Variants in COMMD2 observed in about 807,000 individuals in gnomAD.
COMMD2 encodes COMM domain-containing protein 2.
Under a neutral mutation model 22.5 loss-of-function variants are expected in COMMD2, and 25 were observed. That is an observed-to-expected ratio of 1.11 (90% confidence interval 0.81 to 1.55). The LOEUF is 1.55. Ranked by LOEUF, COMMD2 falls within the 40% of genes most tolerant of loss-of-function variation. COMMD2 has a pLI of 0.00. For synonymous variants in COMMD2, 98 were observed against 91.2 expected (o/e 1.07, Z -0.42); for missense variants, 223 against 232.9 (o/e 0.96, Z 0.28).
Position 149,751,477 on chromosome 3 carries a change from T to G in COMMD2, c.154A>C (p.Asn52His). The G allele has an allele frequency of 6.3e-7, 1 of 1,590,312 alleles. No homozygotes were observed. Among genetic ancestry groups the G allele is most frequent in the Non-Finnish European group, 8.6e-7 (1 of 1,169,000 alleles). Residue 52 changes from asparagine (N) to histidine (H), a missense_variant, in exon 3 of 5, where the codon AAT (asparagine) becomes CAT (histidine). Coordinates refer to ENST00000473414, the MANE Select transcript of COMMD2 (RefSeq NM_016094.4). Reference protein sequence around the residue: ...KIYEGAARKLNVSSDTVQHGV... With the variant: ...KIYEGAARKLHVSSDTVQHGV... The stretch of plus-strand genomic sequence containing the variant: ...TGCTGGACAGTGTCACTACTCACAT[T>G]GAGTTTTCCTGAGAAAGAAAAGTAA...
chr3:149,747,181 C>G (rs560548476), intron 4 of COMMD2, among the ~76,000 whole-genome samples: 7 of 152,342 alleles, frequency 4.6e-5, no homozygotes, highest in South Asian at 2.1e-4. Flanking sequence ...GTCAAATAGG[C>G]TTCCACTGTA....
chr3:149,748,853 G>A (rs940697267), intron 4 of COMMD2, among the ~76,000 whole-genome samples: 9 of 152,308 alleles, frequency 5.9e-5, no homozygotes, highest in Admixed American at 3.3e-4. Flanking sequence ...AGAAAGAGTC[G>A]AGTCAAGAGG....
At chr3:149,751,200 T>G (rs1171835392) in intron 3 of COMMD2, 1 of 689,944 alleles carries the variant, frequency 1.4e-6, no homozygotes, top group Non-Finnish European at 2.3e-6. Context: ...GGTACTTCTA[T>G]ACTAGCTATT....
chr3:149,744,136 C>A (rs1237180639), intron 4 of COMMD2, among the ~76,000 whole-genome samples: 2 of 151,854 alleles, frequency 1.3e-5, no homozygotes. Flanking sequence ...GTCCTCCTCC[C>A]TGTAAATATA....
intron 4 of COMMD2, among the ~76,000 whole-genome samples, chr3:149,745,591 G>A (rs1716346444): frequency 6.6e-6 from 1 of 152,154 alleles, no homozygotes; most frequent in South Asian, 2.1e-4. Context: ...GCACTGCTAT[G>A]TCCACAAGGC....
At position 149,751,417 on chromosome 3, in the gene COMMD2, T is replaced by C; in HGVS notation, c.214A>G (p.Ser72Gly). Residue 72 changes from serine to glycine, a missense_variant, in exon 3 of 5, where the codon AGC becomes GGC. Coordinates refer to ENST00000473414, the MANE Select transcript of COMMD2 (RefSeq NM_016094.4). ...VEGLTYLLTE[S>G]SKLMISELDF... ...AAATCCCTTACCATGAGCTTTGAGC[T>C]CTCAGTGAGGAGATACGTTAATCCT... 6.2e-7 allele frequency: 1 copy of C among 1,614,076 alleles called. No individual in the cohort carries two copies. The highest frequency in any genetic ancestry group is 8.5e-7 in the Non-Finnish European group (1 of 1,179,960).
chr3:149,741,416 A>T lies in COMMD2; in HGVS notation c.*105T>A. 1.1e-6 allele frequency: 1 copy of T among 886,180 alleles called. No individual in the cohort carries two copies. Among genetic ancestry groups the T allele is most frequent in the African/African-American group, 1.7e-5 (1 of 59,480 alleles). 54.9% of individuals were successfully genotyped at this position (886,180 alleles called of 1,614,324 possible). On this transcript the variant is annotated 3_prime_UTR_variant, in exon 5 of 5. Transcript: ENST00000473414. ...CTTGGAATAGATACTGAGGAATACT[A>T]TGTATTTATCATCATGAATTAATAA...
intron 4 of COMMD2, among the ~76,000 whole-genome samples, chr3:149,743,138 T>C (rs1716281471): frequency 6.6e-6 from 1 of 152,198 alleles, no homozygotes. Context: ...TGTTTTATCA[T>C]TATTCTTTAA....
chr3:149,750,310 G>T, intron 4 of COMMD2: 1 of 380,048 alleles, frequency 2.6e-6, no homozygotes, highest in South Asian at 2.0e-5. Flanking sequence ...ATGCTTCTGG[G>T]GTGTGAGTCA....
chr3:149,751,561 T>A, intron 2 of COMMD2, 76 bp from the exon 3 acceptor site: 1 of 1,257,280 alleles, frequency 8.0e-7, no homozygotes, highest in African/African-American at 1.5e-5. Flanking sequence ...TATTTAAAAA[T>A]AAACACTATT....
At chr3:149,750,376 T>G in intron 4 of COMMD2, 1 of 472,146 alleles carries the variant, frequency 2.1e-6, no homozygotes, top group Non-Finnish European at 4.2e-6. Flanking sequence ...TGTGCACTTT[T>G]CTACATCTGT....
intron 4 of COMMD2, among the ~76,000 whole-genome samples, chr3:149,746,786 A>C (rs114448232): frequency 0.041 from 6,284 of 152,258 alleles, 338 homozygotes; most frequent in East Asian, 0.13. Flanking sequence ...TGTCTCAAAA[A>C]ATAAAAAAAT....
chr3:149,746,587 G>C (rs922508804), intron 4 of COMMD2, among the ~76,000 whole-genome samples: 3 of 150,124 alleles, frequency 2.0e-5, no homozygotes, highest in Non-Finnish European at 3.0e-5. Context: ...CTGGCTAACA[G>C]GGTGAAACCC....
At chr3:149,751,578 T>C (rs1471681072) in intron 2 of COMMD2, 93 bp from the exon 3 acceptor site, 2 of 1,158,038 alleles carry the variant, frequency 1.7e-6, no homozygotes, top group East Asian at 2.6e-5. Flanking sequence ...TATTCATTAT[T>C]ACATGTTTTC....
In COMMD2 at chr3:149,740,620, A is replaced by C. The variant is rs531294471; in HGVS notation, c.*901T>G. On this transcript the variant is annotated 3_prime_UTR_variant, in exon 5 of 5. Coordinates refer to ENST00000473414, the MANE Select transcript of COMMD2 (RefSeq NM_016094.4). ...TCATCTTCATATACAAAGAAAAATG[A>C]ATAAACTGCCTATAACAATATAGCA... The C allele has an allele frequency of 1.3e-5, 2 of 152,342 alleles. No homozygotes were observed. The highest frequency in any genetic ancestry group is 4.8e-5 in the African/African-American group (2 of 41,588). 9.4% of individuals were successfully genotyped at this position (152,342 alleles called of 1,614,324 possible).
Position 149,752,383 on chromosome 3 carries a change from C to A in COMMD2, c.62G>T (p.Ser21Ile), listed in dbSNP as rs1458703662. 2 of 1,614,078 alleles carry A rather than the reference C, an allele frequency of 1.2e-6. No individual in the cohort carries two copies. The highest frequency in any genetic ancestry group is 1.1e-5 in the South Asian group (1 of 91,088). Residue 21 changes from serine to isoleucine, a missense_variant, in exon 1 of 5, where the codon AGC (serine) becomes ATC (isoleucine). Coordinates refer to ENST00000473414, the MANE Select transcript of COMMD2 (RefSeq NM_016094.4). ...CCGCCCCCACGCCCGCTGACCCGCG[C>A]TGTCCACTTGAGGCAGGAAGGCCAG... Reference protein sequence around the residue: ...EHLAFLPQVDSAVVAEFGRIA... With the variant: ...EHLAFLPQVDIAVVAEFGRIA...
Position 149,741,505 on chromosome 3 carries a change from A to G in COMMD2, c.*16T>C. ...TTCATAAGTGATTCAAATGAATTAA[A>G]ACCTTAAAACTGGTACTACTTGATG... is the stretch of plus-strand genomic sequence containing the variant. On this transcript the variant is annotated 3_prime_UTR_variant, in exon 5 of 5. Coordinates refer to ENST00000473414, the MANE Select transcript of COMMD2 (RefSeq NM_016094.4). The G allele has an allele frequency of 3.1e-6, 5 of 1,598,580 alleles. No homozygotes were observed. The highest frequency in any genetic ancestry group is 4.3e-6 in the Non-Finnish European group (5 of 1,165,972).
intron 4 of COMMD2, among the ~76,000 whole-genome samples, chr3:149,747,249 G>T (rs1047879177): frequency 3.3e-5 from 5 of 152,198 alleles, no homozygotes; most frequent in Admixed American, 2.6e-4. Context: ...AGAATCCCAA[G>T]AATATGGGGA....
In COMMD2 at chr3:149,752,246, G is replaced by A; in HGVS notation, c.109C>T (p.Arg37Cys). The change falls in exon 2 of 5, where the codon CGC becomes TGC. Residue 37 changes from arginine (R) to cysteine (C), a missense_variant. Arg to Cys is a radical substitution (Grantham distance 180). Transcript: ENST00000473414. ...TCGTAGATTTTTGGGTTTGCGCCGC[G>A]TCTCAGGAATTCCACAGCAATCCGC... ...FGRIAVEFLR[R>C]GANPKIYEGA... 1 of 1,614,044 alleles carries A rather than the reference G, an allele frequency of 6.2e-7. No individual in the cohort carries two copies. The highest frequency in any genetic ancestry group is 8.5e-7 in the Non-Finnish European group (1 of 1,179,996).
Sources: gnomAD v4.1 joint callset for allele counts (sites outside exome capture counted in the v4.1 genomes callset) on GRCh38, gnomAD v4.1.1 for gene constraint, MANE v1.5 for transcripts, NCBI Gene and HGNC (gene_info 2026-07-23, HGNC 2026-07-21) for gene names.